The following NELL1 variants were observed in gnomAD, a reference collection of about 807,000 sequenced individuals.
The protein encoded by NELL1 is protein kinase C-binding protein NELL1.
A neutral mutation model predicts 107.4 loss-of-function variants in NELL1; 76 were observed. The ratio of observed to expected loss-of-function variants is 0.71; its 90% CI spans 0.59 to 0.86. The LOEUF is 0.86. Among genes scored for constraint, NELL1 ranks in the 40% least tolerant of loss-of-function variants. The pLI is 0.00. For synonymous variants in NELL1, 353 were observed against 341.2 expected (o/e 1.03, Z -0.38); for missense variants, 1,024 against 1,005.5 (o/e 1.02, Z -0.25).
intron 1 of NELL1, among the ~76,000 whole-genome samples, chr11:20,674,259 A>T (rs1289253658): frequency 6.6e-6 from 1 of 152,170 alleles, no homozygotes; most frequent in East Asian, 1.9e-4. Flanking sequence ...GAAAGGGGCC[A>T]TCTGTACCTT....
Position 20,862,605 on chromosome 11 carries a change from C to CTTTTT in NELL1, c.506+14871_506+14875dup, listed in dbSNP as rs386373288. 4.1e-3 allele frequency among the ~76,000 whole-genome samples: 385 copies of CTTTTT among 94,628 alleles called. 1 individual carries two copies. Among genetic ancestry groups the CTTTTT allele is most frequent in the East Asian group, 6.9e-3 (18 of 2,616 alleles). 62.1% of individuals were successfully genotyped at this position (94,628 alleles called of 152,430 possible). On this transcript the variant is annotated intron_variant, in intron 4 of 19. Coordinates refer to ENST00000357134, the MANE Select transcript of NELL1 (RefSeq NM_006157.5). ...GCCCTAAAAATCTTTTGAGCTGCTG[C>CTTTTT]TTTTTTTTTTTTTTTTTTTTTTTAT...
At chr11:21,239,399 T>C (rs1442741077) in intron 14 of NELL1, among the ~76,000 whole-genome samples, 1 of 152,100 alleles carries the variant, frequency 6.6e-6, no homozygotes, top group Non-Finnish European at 1.5e-5. Flanking sequence ...TCAAACTTTA[T>C]GATCCAAGAT....
chr11:20,764,611 C>CTTTTTT (rs200315813), intron 2 of NELL1, among the ~76,000 whole-genome samples: 1 of 142,080 alleles, frequency 7.0e-6, no homozygotes. Flanking sequence ...CACCCCAGAC[C>CTTTTTT]TTTTTTTTTT....
At chr11:20,976,809 T>TA (rs921259262) in intron 12 of NELL1, among the ~76,000 whole-genome samples, 3 of 152,302 alleles carry the variant, frequency 2.0e-5, no homozygotes, top group African/African-American at 7.2e-5. Context: ...TGGGAATTCC[T>TA]AAAAATCTCT....
chr11:21,404,022 C>G (rs1852167370), intron 15 of NELL1, among the ~76,000 whole-genome samples: 1 of 102,088 alleles, frequency 9.8e-6, no homozygotes, highest in Admixed American at 1.2e-4. Flanking sequence ...CCCCCGCAAT[C>G]AAAACCACTG....
Position 21,113,585 on chromosome 11 carries a change from T to A in NELL1, c.1301-4T>A, listed in dbSNP as rs964142214. 3 of 1,608,842 alleles carry A rather than the reference T, an allele frequency of 1.9e-6. No individual in the cohort carries two copies. Among genetic ancestry groups the A allele is most frequent in the Admixed American group, 1.7e-5 (1 of 59,394 alleles). The stretch of plus-strand genomic sequence containing the variant: ...CATGATCTTACTTATTTTTTTTCCT[T>A]CAGATATTGATGAGTGTGCAGCTAA... On this transcript the variant is annotated splice_region_variant and splice_polypyrimidine_tract_variant and intron_variant, in intron 12 of 19. Coordinates refer to ENST00000357134, the MANE Select transcript of NELL1 (RefSeq NM_006157.5).
rs200418474 is a variant in NELL1 at position 21,243,945 on chromosome 11, A to AT, written c.1549+14499dup. 4.6e-3 allele frequency among the ~76,000 whole-genome samples: 705 copies of AT among 152,026 alleles called. 2 individuals are homozygous for AT. The highest frequency in any genetic ancestry group is 5.9e-3 in the African/African-American group (243 of 41,500). ...TTAAAATGAAATGGTACTTTCCATT[A>AT]TTTTTTTTGTTATGTTGAGCAGCCC... On this transcript the variant is annotated intron_variant, in intron 14 of 19. Coordinates refer to ENST00000357134, the MANE Select transcript of NELL1 (RefSeq NM_006157.5).
chr11:21,381,188 A>C (rs1015851176), intron 15 of NELL1, among the ~76,000 whole-genome samples: 2 of 152,012 alleles, frequency 1.3e-5, no homozygotes, highest in African/African-American at 2.4e-5. Flanking sequence ...GGTAAAGTAA[A>C]TTATGTTTTC....
intron 15 of NELL1, among the ~76,000 whole-genome samples, chr11:21,407,071 T>C (rs534986705): frequency 2.0e-5 from 3 of 152,156 alleles, no homozygotes; most frequent in Middle Eastern, 3.4e-3. Context: ...GTTTAACTTA[T>C]TTATGTTTGA....
chr11:21,004,738 C>A (rs1852293756), intron 12 of NELL1, among the ~76,000 whole-genome samples: 3 of 151,866 alleles, frequency 2.0e-5, no homozygotes, highest in African/African-American at 7.3e-5. Context: ...GCTAAAATGT[C>A]CCCTTTTAAA....
intron 13 of NELL1, among the ~76,000 whole-genome samples, chr11:21,159,060 C>T (rs939302948): frequency 2.0e-5 from 3 of 152,064 alleles, no homozygotes; most frequent in African/African-American, 7.2e-5. Context: ...ATTATTGAGA[C>T]CAAGATCCTA....
intron 14 of NELL1, among the ~76,000 whole-genome samples, chr11:21,366,241 C>T (rs572039361): frequency 5.5e-4 from 83 of 152,168 alleles, no homozygotes; most frequent in African/African-American, 1.5e-3. Context: ...CCGACTTATC[C>T]GCTGAGTTCC....
At chr11:20,763,400 G>C (rs188791993) in intron 2 of NELL1, among the ~76,000 whole-genome samples, 41 of 152,214 alleles carry the variant, frequency 2.7e-4, no homozygotes, top group African/African-American at 9.4e-4. Flanking sequence ...TATTTGTTGT[G>C]TGGATTCTGG....
chr11:21,349,045 A>C (rs1251523981), intron 14 of NELL1, among the ~76,000 whole-genome samples: 3 of 152,160 alleles, frequency 2.0e-5, no homozygotes, highest in African/African-American at 7.2e-5. Flanking sequence ...AACCAACACT[A>C]ATGAGATGTA....
At chr11:20,869,884 A>G (rs1367815885) in intron 4 of NELL1, among the ~76,000 whole-genome samples, 1 of 152,216 alleles carries the variant, frequency 6.6e-6, no homozygotes, top group Non-Finnish European at 1.5e-5. Flanking sequence ...AGGATGCTCT[A>G]GTTGTAAGTA....
intron 2 of NELL1, among the ~76,000 whole-genome samples, chr11:20,741,317 C>G (rs1855884999): frequency 6.6e-6 from 1 of 152,128 alleles, no homozygotes; most frequent in South Asian, 2.1e-4. Context: ...CCTCCTAGAC[C>G]CCGGGCTTAT....
intron 2 of NELL1, among the ~76,000 whole-genome samples, chr11:20,780,515 A>G (rs549303199): frequency 4.6e-5 from 7 of 152,218 alleles, no homozygotes; most frequent in Admixed American, 3.3e-4. Context: ...AAAACAATGG[A>G]TAAATAAGTA....
intron 3 of NELL1, among the ~76,000 whole-genome samples, chr11:20,795,146 G>C (rs1007771467): frequency 6.6e-6 from 1 of 152,224 alleles, no homozygotes; most frequent in African/African-American, 2.4e-5. Context: ...CCAGTAGCCA[G>C]AGTTAGAACT....
At chr11:21,421,040 G>T (rs1454384593) in intron 15 of NELL1, among the ~76,000 whole-genome samples, 1 of 152,048 alleles carries the variant, frequency 6.6e-6, no homozygotes, top group Non-Finnish European at 1.5e-5. Context: ...GTAGACAGAA[G>T]AAAATGCCAA....
Sources: allele counts gnomAD v4.1 joint callset (sites outside exome capture counted in the v4.1 genomes callset), GRCh38; gene constraint gnomAD v4.1.1; transcripts MANE v1.5; gene names NCBI Gene and HGNC (gene_info 2026-07-23, HGNC 2026-07-21).